The following THAP2 variants were observed in gnomAD, a reference collection of about 807,000 sequenced individuals.
THAP2 encodes the protein THAP domain containing 2.
Under a neutral mutation model 18.8 loss-of-function variants are expected in THAP2, and 16 were observed. That is an observed-to-expected ratio of 0.85 (90% CI 0.58 to 1.29). The LOEUF is 1.29. THAP2 is among the 50% of genes most tolerant of loss of function. The pLI is 0.00. For synonymous variants in THAP2, 80 were observed against 89.2 expected (o/e 0.90, Z 0.58); for missense variants, 251 against 265.3 (o/e 0.95, Z 0.38).
intron 1 of THAP2, among the ~76,000 whole-genome samples, chr12:71,668,990 A>C (rs1881389190): frequency 6.6e-6 from 1 of 152,242 alleles, no homozygotes; most frequent in Non-Finnish European, 1.5e-5. Flanking sequence ...GTACAAAAAC[A>C]TTACACCAAA....
In THAP2 at chr12:71,678,704, T is replaced by C. The variant is rs1881557382; in HGVS notation, c.*1596T>C. The C allele has an allele frequency of 6.6e-6, 1 of 152,212 alleles. No homozygotes were observed. The highest frequency in any genetic ancestry group is 6.5e-5 in the Admixed American group (1 of 15,276). 9.4% of individuals were successfully genotyped at this position (152,212 alleles called of 1,614,324 possible). On this transcript the variant is annotated 3_prime_UTR_variant, in exon 3 of 3. Coordinates refer to ENST00000308086, the MANE Select transcript of THAP2 (RefSeq NM_031435.4). ...ATTTTTTTGCTATTTAGGATTGCAT[T>C]TGCTTGGCTCCTAGTAACAATTCTT...
chr12:71,676,864 TAAG>T lies in THAP2; in HGVS notation c.449_451del (p.Arg150del), dbSNP rs1236328821. ...AAACTGGAAAAAGAAATAGCAAGCTTAAGAAGAAAAATGAAAACTTGCCTACAA... is the reference window on the plus strand; with the variant it reads ...AAACTGGAAAAAGAAATAGCAAGCTTAAGAAAAATGAAAACTTGCCTACAA... On this transcript the variant is annotated inframe_deletion, in exon 3 of 3. Coordinates refer to ENST00000308086, the MANE Select transcript of THAP2 (RefSeq NM_031435.4). 6.2e-7 allele frequency: 1 copy of T among 1,613,566 alleles called. No individual in the cohort carries two copies. The highest frequency in any genetic ancestry group is 2.2e-5 in the East Asian group (1 of 44,852).
intron 2 of THAP2, 41 bp from the exon 3 acceptor site, chr12:71,676,648 T>C: frequency 6.5e-7 from 1 of 1,533,162 alleles, no homozygotes; most frequent in African/African-American, 1.4e-5. Context: ...TTTGTGATAT[T>C]TCATAATTTA....
In THAP2 at chr12:71,673,665, TC is replaced by T. The variant is rs543935649; in HGVS notation, c.72-535del. Reference sequence around the variant, plus strand: ...ATAAATACATAACAAGATATAATGATCCCTGTCCTCAAGAAATTTATAATCT... The same window carrying T: ...ATAAATACATAACAAGATATAATGATCCTGTCCTCAAGAAATTTATAATCT... On this transcript the variant is annotated intron_variant, in intron 1 of 2. Transcript: ENST00000308086. Among the ~76,000 whole-genome samples, 1,031 of 152,256 alleles carry T rather than the reference TC, an allele frequency of 6.8e-3. 16 individuals are homozygous for T. The highest frequency in any genetic ancestry group is 8.1e-3 in the Non-Finnish European group (554 of 67,980).
chr12:71,666,725 A>G (rs1881349579), intron 1 of THAP2, among the ~76,000 whole-genome samples: 2 of 152,026 alleles, frequency 1.3e-5, no homozygotes, highest in Admixed American at 6.5e-5. Flanking sequence ...ACATTAGTAG[A>G]CTTTTTTTTC....
intron 1 of THAP2, 137 bp downstream of exon 1, chr12:71,664,717 G>T (rs1881298786): frequency 1.3e-5 from 13 of 989,904 alleles, no homozygotes; most frequent in Non-Finnish European, 1.7e-5. Flanking sequence ...TATGTCCTTT[G>T]TGTTTCTCAA....
intron 1 of THAP2, among the ~76,000 whole-genome samples, chr12:71,672,835 G>A (rs1881463953): frequency 6.6e-6 from 1 of 152,042 alleles, no homozygotes; most frequent in Non-Finnish European, 1.5e-5. Context: ...TATTATTTAA[G>A]GTTTATGGTA....
chr12:71,668,414 C>G (rs1374739575), intron 1 of THAP2, among the ~76,000 whole-genome samples: 2 of 152,110 alleles, frequency 1.3e-5, no homozygotes, highest in Non-Finnish European at 2.9e-5. Flanking sequence ...GACATTTTTT[C>G]ATTTAATCCT....
intron 1 of THAP2, among the ~76,000 whole-genome samples, chr12:71,672,344 C>T (rs1881454758): frequency 6.6e-6 from 1 of 152,168 alleles, no homozygotes; most frequent in Non-Finnish European, 1.5e-5. Flanking sequence ...AATTATCAAA[C>T]ATCCTCTGAT....
intron 1 of THAP2, chr12:71,664,860 C>T: frequency 1.4e-6 from 1 of 702,542 alleles, no homozygotes; most frequent in Non-Finnish European, 2.6e-6. Context: ...TGTTTTATTC[C>T]TCTGTTAGAC....
rs1881543304 is a variant in THAP2 at position 71,677,737 on chromosome 12, T to A, written c.*629T>A. The A allele has an allele frequency of 6.6e-6, 1 of 152,170 alleles. No homozygotes were observed. Among genetic ancestry groups the A allele is most frequent in the Admixed American group, 6.5e-5 (1 of 15,274 alleles). 9.4% of individuals were successfully genotyped at this position (152,170 alleles called of 1,614,324 possible). ...TGAAGTACCATTGAGTCATCCAAAC[T>A]AGGTAAGGCCTCAAGTACTTTAAAC... On this transcript the variant is annotated 3_prime_UTR_variant, in exon 3 of 3. Transcript: ENST00000308086.
In THAP2 at chr12:71,664,383, C is replaced by G; in HGVS notation, c.-127C>G. On this transcript the variant is annotated 5_prime_UTR_variant, in exon 1 of 3. Transcript: ENST00000308086. ...ACATACACACCCCTTCTTCCCACTC[C>G]GCTCTCACGACTAAGCTCTCACGAT... 8.8e-7 allele frequency: 1 copy of G among 1,138,458 alleles called. No homozygotes were observed. Among genetic ancestry groups the G allele is most frequent in the Admixed American group, 1.8e-5 (1 of 54,834 alleles). 70.5% of individuals were successfully genotyped at this position (1,138,458 alleles called of 1,614,324 possible).
chr12:71,665,876 C>CA (rs1203773105), intron 1 of THAP2: 1 of 152,190 alleles, frequency 6.6e-6, no homozygotes, highest in African/African-American at 2.4e-5. Flanking sequence ...GGTCAAGCAT[C>CA]ATCGGGAATG....
chr12:71,673,125 T>C (rs570047763), intron 1 of THAP2, among the ~76,000 whole-genome samples: 2 of 152,298 alleles, frequency 1.3e-5, no homozygotes, highest in African/African-American at 4.8e-5. Flanking sequence ...ATGCCATGTA[T>C]GGTCTCTGTA....
At position 71,677,026 on chromosome 12, in the gene THAP2, A is replaced by G; in HGVS notation, c.605A>G (p.Asp202Gly). 6.2e-7 allele frequency: 1 copy of G among 1,613,542 alleles called. No individual in the cohort carries two copies. Among genetic ancestry groups the G allele is most frequent in the Non-Finnish European group, 8.5e-7 (1 of 1,179,608 alleles). ...GCCTTAAGCAGTCTTCCTTTGGAAG[A>G]TTTTAAGATCCTTGAACAAGATCAA... Reference protein sequence around the residue: ...PTALSSLPLEDFKILEQDQQD... With the variant: ...PTALSSLPLEGFKILEQDQQD... Residue 202 changes from aspartate (D) to glycine (G), a missense_variant, in exon 3 of 3, where the codon GAT (aspartate) becomes GGT (glycine). Transcript: ENST00000308086.
At chr12:71,667,580 A>C (rs1881364221) in intron 1 of THAP2, 1 of 152,240 alleles carries the variant, frequency 6.6e-6, no homozygotes, top group African/African-American at 2.4e-5. Context: ...GAAACTTGGA[A>C]GTCTTCCTCC....
intron 1 of THAP2, chr12:71,664,889 A>G: frequency 1.4e-6 from 1 of 702,368 alleles, no homozygotes; most frequent in Non-Finnish European, 2.6e-6. Context: ...GACATGAATG[A>G]CGCCGTAAGG....
At chr12:71,671,522 T>C (rs1463819742) in intron 1 of THAP2, among the ~76,000 whole-genome samples, 1 of 152,218 alleles carries the variant, frequency 6.6e-6, no homozygotes, top group African/African-American at 2.4e-5. Flanking sequence ...ATCAACAATC[T>C]CATTCATGAT....
In THAP2 at chr12:71,678,581, T is replaced by A. The variant is rs1189323299; in HGVS notation, c.*1473T>A. 6.6e-6 allele frequency: 1 copy of A among 152,226 alleles called. No individual in the cohort carries two copies. The highest frequency in any genetic ancestry group is 1.5e-5 in the Non-Finnish European group (1 of 68,024). The allele number at this position is 152,226 out of a possible 1,614,324, so 9.4% of individuals were successfully genotyped here. ...TAACTCAACTTATTTAATTCAAGCT[T>A]GTGATACTAACATACAAAGGTAGCA... On this transcript the variant is annotated 3_prime_UTR_variant, in exon 3 of 3. Transcript: ENST00000308086.
Sources: allele counts gnomAD v4.1 joint callset (sites outside exome capture counted in the v4.1 genomes callset), GRCh38; gene constraint gnomAD v4.1.1; transcripts MANE v1.5; gene names NCBI Gene and HGNC (gene_info 2026-07-23, HGNC 2026-07-21).